IQGAP2: variants seen among roughly 807,000 people sequenced by gnomAD.
IQGAP2 encodes ras GTPase-activating-like protein IQGAP2.
Under a neutral mutation model 201.3 loss-of-function variants are expected in IQGAP2, and 173 were observed. That is an observed-to-expected ratio of 0.86 (90% CI 0.76 to 0.98). IQGAP2 has a LOEUF of 0.98. Among genes scored for constraint, IQGAP2 ranks in the 50% least tolerant of loss-of-function variants. IQGAP2 has a pLI of 0.00. For synonymous variants in IQGAP2, 675 were observed against 673.9 expected, an observed-to-expected ratio of 1.00 and a Z score of -0.03; for missense variants, 1,687 against 1,864.8, an observed-to-expected ratio of 0.90 and a Z score of 1.76.
intron 1 of IQGAP2, among the ~76,000 whole-genome samples, chr5:76,416,734 G>T (rs1223537961): frequency 6.6e-6 from 1 of 152,088 alleles, no homozygotes; most frequent in Non-Finnish European, 1.5e-5. Flanking sequence ...CATCATATTG[G>T]CCAGGCTGGT....
chr5:76,590,951 G>A (rs1746605843), intron 8 of IQGAP2, among the ~76,000 whole-genome samples: 1 of 151,982 alleles, frequency 6.6e-6, no homozygotes, highest in African/African-American at 2.4e-5. Flanking sequence ...TAAAAAATTA[G>A]CTGGGCTTGG....
At chr5:76,440,889 G>C (rs1371423832) in intron 1 of IQGAP2, among the ~76,000 whole-genome samples, 1 of 152,156 alleles carries the variant, frequency 6.6e-6, no homozygotes, top group Admixed American at 6.5e-5. Flanking sequence ...AAATTAGCCA[G>C]GCGTGGTGGC....
At chr5:76,699,534 C>T (rs1193274549) in intron 33 of IQGAP2, 1 of 151,718 alleles carries the variant, frequency 6.6e-6, no homozygotes, top group Non-Finnish European at 1.5e-5. Flanking sequence ...GATGCAGCCA[C>T]ATTTAAACCT....
chr5:76,674,783 G>A (rs1744657979), intron 27 of IQGAP2, 74 bp downstream of exon 27: 13 of 1,093,014 alleles, frequency 1.2e-5, no homozygotes, highest in Non-Finnish European at 1.8e-5. Flanking sequence ...TGTGCCCAGA[G>A]CTAGAGTGGG....
At chr5:76,697,578 G>T (rs4704354) in intron 32 of IQGAP2, among the ~76,000 whole-genome samples, 49,865 of 151,988 alleles carry the variant, frequency 0.33, 8,328 homozygotes, top group Non-Finnish European at 0.35. Flanking sequence ...TGGAGGTAAA[G>T]GTTGCAGAGA....
At chr5:76,598,786 G>T (rs903666875) in intron 10 of IQGAP2, among the ~76,000 whole-genome samples, 2 of 152,108 alleles carry the variant, frequency 1.3e-5, no homozygotes, top group African/African-American at 4.8e-5. Flanking sequence ...GGAAACAAAT[G>T]TTTAATTAAT....
At chr5:76,451,643 A>G (rs573854288) in intron 1 of IQGAP2, among the ~76,000 whole-genome samples, 1 of 152,364 alleles carries the variant, frequency 6.6e-6, no homozygotes, top group Non-Finnish European at 1.5e-5. Flanking sequence ...AGAAGTTCAG[A>G]TAGATCAGTT....
chr5:76,635,120 C>G (rs1228441860), intron 15 of IQGAP2, among the ~76,000 whole-genome samples: 1 of 152,214 alleles, frequency 6.6e-6, no homozygotes, highest in African/African-American at 2.4e-5. Context: ...CTGTCTCATC[C>G]TTCATTGGGA....
At chr5:76,408,085 C>T (rs185572149) in intron 1 of IQGAP2, among the ~76,000 whole-genome samples, 4 of 152,120 alleles carry the variant, frequency 2.6e-5, no homozygotes, top group Admixed American at 1.3e-4. Context: ...CGCTTGAACC[C>T]GGGAGGCAGA....
chr5:76,698,204 A>G, intron 33 of IQGAP2, 57 bp downstream of exon 33: 1 of 1,368,950 alleles, frequency 7.3e-7, no homozygotes, highest in Non-Finnish European at 1.0e-6. Flanking sequence ...TGAGATGTCA[A>G]TTCTGTGTTT....
chr5:76,646,287 A>G (rs1306759801), intron 17 of IQGAP2, among the ~76,000 whole-genome samples: 1 of 152,240 alleles, frequency 6.6e-6, no homozygotes, highest in Admixed American at 6.5e-5. Flanking sequence ...CCCATCTCAG[A>G]ATTGTCACAC....
intron 1 of IQGAP2, among the ~76,000 whole-genome samples, chr5:76,415,935 A>T (rs1429688920): frequency 8.4e-6 from 1 of 119,626 alleles, no homozygotes; most frequent in East Asian, 2.9e-4. Flanking sequence ...ACAGAGGGTA[A>T]CTGTCTCAAA....
At chr5:76,613,699 G>A (rs1748613796) in intron 13 of IQGAP2, among the ~76,000 whole-genome samples, 1 of 151,898 alleles carries the variant, frequency 6.6e-6, no homozygotes, top group African/African-American at 2.4e-5. Context: ...GTATCTTAAG[G>A]TTCTTTTTTT....
chr5:76,600,954 A>G lies in IQGAP2; in HGVS notation c.1214A>G (p.Asp405Gly). 1 of 1,614,038 alleles carries G rather than the reference A, an allele frequency of 6.2e-7. No homozygotes were observed. Among genetic ancestry groups the G allele is most frequent in the Non-Finnish European group, 8.5e-7 (1 of 1,179,896 alleles). Residue 405 changes from aspartate (D) to glycine (G), a missense_variant, in exon 11 of 36, where the codon GAC (aspartate) becomes GGC (glycine). Coordinates refer to ENST00000274364, the MANE Select transcript of IQGAP2 (RefSeq NM_006633.5). ...CCCGCAATAGGCTTAAACAATCTGG[A>G]CAAGGCATATGTGGAACGGTAAGGA... ...RSPAIGLNNL[D>G]KAYVERYANT...
At chr5:76,539,323 G>T (rs1015099903) in intron 2 of IQGAP2, among the ~76,000 whole-genome samples, 1 of 151,578 alleles carries the variant, frequency 6.6e-6, no homozygotes, top group Non-Finnish European at 1.5e-5. Flanking sequence ...CCCTCAGTGG[G>T]CCTGCCACTC....
At chr5:76,473,939 C>G (rs1466822671) in intron 2 of IQGAP2, among the ~76,000 whole-genome samples, 1 of 152,184 alleles carries the variant, frequency 6.6e-6, no homozygotes, top group Admixed American at 6.5e-5. Context: ...TATCATTATT[C>G]AAGGCATAGA....
At chr5:76,677,424 C>A in intron 28 of IQGAP2, 74 bp downstream of exon 28, 1 of 1,385,814 alleles carries the variant, frequency 7.2e-7, no homozygotes, top group Non-Finnish European at 1.0e-6. Context: ...AATGCTTAAT[C>A]TCTACAGGAC....
rs781064071 is a variant in IQGAP2, at chr5:76,665,023, C to T, written c.2530-3C>T. On this transcript the variant is annotated splice_polypyrimidine_tract_variant and splice_region_variant and intron_variant, in intron 21 of 35. Transcript: ENST00000274364. ...AGGAGTAATCTCATCAAATTTTTTA[C>T]AGGATGTAATTTCACATAGTAAAAA... 2 of 1,502,150 alleles carry T rather than the reference C, an allele frequency of 1.3e-6. No homozygotes were observed. Among genetic ancestry groups the T allele is most frequent in the Non-Finnish European group, 1.8e-6 (2 of 1,084,412 alleles). The allele number at this position is 1,502,150 out of a possible 1,614,324, so 93.1% of individuals were successfully genotyped here. A position where few individuals can be genotyped will look rare whatever the true frequency, so the allele number is the denominator to read the frequency against.
intron 34 of IQGAP2, 142 bp downstream of exon 34, chr5:76,701,355 A>G (rs960268122): frequency 1.4e-5 from 11 of 776,486 alleles, no homozygotes; most frequent in Admixed American, 2.3e-5. Context: ...TGTTATGGCT[A>G]CTCTTCCCTT....
Sources: allele counts gnomAD v4.1 joint callset (sites outside exome capture counted in the v4.1 genomes callset), GRCh38; gene constraint gnomAD v4.1.1; transcripts MANE v1.5; gene names NCBI Gene and HGNC (gene_info 2026-07-23, HGNC 2026-07-21).